Variants in FNBP1 observed in about 807,000 individuals in gnomAD.
FNBP1 encodes formin binding protein 1.
A neutral mutation model predicts 90.6 loss-of-function variants in FNBP1; 26 were observed. The ratio of observed to expected loss-of-function variants is 0.29; its 90% confidence interval spans 0.21 to 0.40. The LOEUF is 0.40. Among genes scored for constraint, FNBP1 ranks in the 10% least tolerant of loss-of-function variants. The pLI is 1.00. For synonymous variants in FNBP1, 260 were observed against 265.2 expected, an observed-to-expected ratio of 0.98 and a Z score of 0.19; for missense variants, 635 against 768.0, an observed-to-expected ratio of 0.83 and a Z score of 2.05.
chr9:130,020,217 G>A (rs189886011), intron 1 of FNBP1, among the ~76,000 whole-genome samples: 38 of 152,048 alleles, frequency 2.5e-4, no homozygotes, highest in Middle Eastern at 3.4e-3. Context: ...TTTCTTTTTC[G>A]TTTCTTTTGA....
At chr9:130,053,106 G>C in the FNBP1 span, among the ~76,000 whole-genome samples, 2 of 152,076 alleles carry the variant, frequency 1.3e-5, no homozygotes, top group Non-Finnish European at 1.5e-5. Context: ...ACAAGAGCTA[G>C]ACTCCGTCTC....
In FNBP1 at chr9:129,994,858, T is replaced by C. The variant is rs754417884; in HGVS notation, c.125A>G (p.Tyr42Cys). ...VKERTEIELS[Y>C]AKQLRNLSKK... Reference sequence around the variant, plus strand: ...ATCAACTTACCTGAGTTGCTTTGCATAGCTGAGTTCAATCTCTGTCCTTTC... The same window carrying C: ...ATCAACTTACCTGAGTTGCTTTGCACAGCTGAGTTCAATCTCTGTCCTTTC... The change falls in exon 2 of 17, where the codon TAT (tyrosine) becomes TGT (cysteine). Residue 42 changes from tyrosine (Y) to cysteine (C), a missense_variant. Coordinates refer to ENST00000446176, the MANE Select transcript of FNBP1 (RefSeq NM_015033.3). 4 of 1,578,526 alleles carry C rather than the reference T, an allele frequency of 2.5e-6. No individual in the cohort carries two copies.
At chr9:129,935,497 TTTTC>T (rs1263605531) in intron 6 of FNBP1, among the ~76,000 whole-genome samples, 2 of 151,350 alleles carry the variant, frequency 1.3e-5, no homozygotes, top group Non-Finnish European at 2.9e-5. Context: ...TTTCTTTTCT[TTTTC>T]TATTGAGATG....
chr9:129,943,448 G>A (rs1440610972), intron 6 of FNBP1, among the ~76,000 whole-genome samples: 14 of 140,256 alleles, frequency 1.0e-4, no homozygotes, highest in Admixed American at 2.3e-4. Context: ...GTGCAGTGGC[G>A]TGATCTTGGC....
intron 15 of FNBP1, among the ~76,000 whole-genome samples, chr9:129,898,178 C>T (rs1325370340): frequency 6.6e-6 from 1 of 152,186 alleles, no homozygotes; most frequent in Non-Finnish European, 1.5e-5. Flanking sequence ...GGATCCTACA[C>T]ATCTGACGAT....
At chr9:129,917,116 G>A (rs1564321546) in intron 10 of FNBP1, among the ~76,000 whole-genome samples, 1 of 152,012 alleles carries the variant, frequency 6.6e-6, no homozygotes, top group Non-Finnish European at 1.5e-5. Context: ...AGGTTCAAGC[G>A]ATTTTCCTGC....
intron 6 of FNBP1, among the ~76,000 whole-genome samples, chr9:129,929,971 A>G (rs2042482588): frequency 6.6e-6 from 1 of 151,444 alleles, no homozygotes; most frequent in Non-Finnish European, 1.5e-5. Context: ...ACTTGGGCCA[A>G]TTTACATTAT....
upstream of FNBP1, among the ~76,000 whole-genome samples, chr9:130,047,900 T>G (rs1016546180): frequency 6.6e-6 from 1 of 152,292 alleles, no homozygotes; most frequent in East Asian, 1.9e-4. Context: ...TAGATAGATA[T>G]GAGATTTTAA....
In FNBP1 at chr9:129,889,847, G is replaced by A. The variant is rs377376120; in HGVS notation, c.*692C>T. The A allele has an allele frequency of 1.3e-4, 30 of 233,218 alleles. No homozygotes were observed. The highest frequency in any genetic ancestry group is 1.2e-3 in the East Asian group (20 of 16,544). The allele number at this position is 233,218 out of a possible 1,614,324, so 14.4% of individuals were successfully genotyped here. On this transcript the variant is annotated 3_prime_UTR_variant, in exon 17 of 17. Coordinates refer to ENST00000446176, the MANE Select transcript of FNBP1 (RefSeq NM_015033.3). ...CTCCCCAGGCCACTGAAAACAGGGC[G>A]TCAAACCAAAATGTGTGTATGCGCA...
chr9:129,978,183 G>A (rs7021084), intron 4 of FNBP1, among the ~76,000 whole-genome samples: 3,845 of 152,004 alleles, frequency 0.025, 177 homozygotes, highest in African/African-American at 0.087. Context: ...ACCACGCCTG[G>A]CTAATTTTTG....
intron 11 of FNBP1, among the ~76,000 whole-genome samples, chr9:129,909,406 C>T (rs904584863): frequency 1.3e-5 from 2 of 152,140 alleles, no homozygotes; most frequent in Non-Finnish European, 2.9e-5. Context: ...AATACAAACC[C>T]CATCAACCAC....
chr9:130,001,679 C>T (rs891970423), intron 1 of FNBP1, among the ~76,000 whole-genome samples: 1 of 151,664 alleles, frequency 6.6e-6, no homozygotes, highest in African/African-American at 2.4e-5. Flanking sequence ...GTCAGGAGTT[C>T]GAGACCAGCC....
At chr9:130,014,394 G>C (rs1215194564) in intron 1 of FNBP1, among the ~76,000 whole-genome samples, 1 of 151,936 alleles carries the variant, frequency 6.6e-6, no homozygotes, top group African/African-American at 2.4e-5. Flanking sequence ...TGGGAATACA[G>C]GTGCACGCCA....
At chr9:129,995,806 C>A (rs185587668) in intron 1 of FNBP1, among the ~76,000 whole-genome samples, 1 of 152,114 alleles carries the variant, frequency 6.6e-6, no homozygotes, top group East Asian at 1.9e-4. Context: ...GTGGAGTTGG[C>A]GAGTGATGAA....
chr9:129,982,577 T>C (rs976697359), intron 2 of FNBP1, among the ~76,000 whole-genome samples: 8 of 152,316 alleles, frequency 5.3e-5, no homozygotes, highest in Non-Finnish European at 1.2e-4. Flanking sequence ...GCAGCACATA[T>C]GGGTGATTAG....
At chr9:129,936,870 G>A (rs1385996859) in intron 6 of FNBP1, among the ~76,000 whole-genome samples, 1 of 152,064 alleles carries the variant, frequency 6.6e-6, no homozygotes, top group Non-Finnish European at 1.5e-5. Flanking sequence ...TTTGTCAATG[G>A]TTAGGAATAA....
chr9:129,957,187 G>A lies in FNBP1; in HGVS notation c.513+173C>T, dbSNP rs764434522. 3.3e-5 allele frequency among the ~76,000 whole-genome samples: 5 copies of A among 151,950 alleles called. No individual in the cohort carries two copies. Among genetic ancestry groups the A allele is most frequent in the Non-Finnish European group, 5.9e-5 (4 of 67,996 alleles). On this transcript the variant is annotated intron_variant, in intron 6 of 16. Transcript: ENST00000446176. This position sits in a 1 kb window ranked among gnomAD's most constrained non-coding sequence, Gnocchi z 4.3. ...CTAGTAGTTGGGATTATAGGTGCCT[G>A]CCACTGCACTCAGCTAATTTTTGTG...
In FNBP1 at chr9:130,043,069, C is replaced by G; in HGVS notation, c.-94G>C. 1.7e-6 allele frequency: 2 copies of G among 1,160,602 alleles called. No homozygotes were observed. Among genetic ancestry groups the G allele is most frequent in the Non-Finnish European group, 2.2e-6 (2 of 925,894 alleles). 71.9% of individuals were successfully genotyped at this position (1,160,602 alleles called of 1,614,324 possible). ...CCTTTGCCCCCCGAGATCCCCGCGACGGCGGAAAGCCCGGAGTCCGCGCGG... is the reference window on the plus strand; with the variant it reads ...CCTTTGCCCCCCGAGATCCCCGCGAGGGCGGAAAGCCCGGAGTCCGCGCGG... On this transcript the variant is annotated 5_prime_UTR_variant, in exon 1 of 17. Transcript: ENST00000446176.
intron 6 of FNBP1, chr9:129,933,728 A>G (rs959083234): frequency 3.3e-5 from 5 of 152,168 alleles, no homozygotes; most frequent in Admixed American, 2.6e-4. Context: ...AGGACGATCT[A>G]TTTCTACAGT....
Sources: allele counts gnomAD v4.1 joint callset (sites outside exome capture counted in the v4.1 genomes callset), GRCh38; gene constraint gnomAD v4.1.1; non-coding constraint Gnocchi (gnomAD v3.1); transcripts MANE v1.5; gene names NCBI Gene and HGNC (gene_info 2026-07-23, HGNC 2026-07-21).